Variants in HMGCLL1 observed in about 807,000 individuals in gnomAD.
The protein encoded by HMGCLL1 is 3-hydroxymethyl-3-methylglutaryl-CoA lyase, cytoplasmic.
In HMGCLL1, 36 loss-of-function variants were observed where a neutral mutation model predicts 39.1. That is an observed-to-expected ratio of 0.92 (90% CI 0.71 to 1.22). The LOEUF is 1.22. HMGCLL1 is among the 50% of genes most tolerant of loss of function. The probability of loss-of-function intolerance (pLI) is 0.00; values close to 1 mark genes in which losing one functional copy is unlikely to be tolerated. For missense variants in HMGCLL1, 451 were observed against 416.5 expected, an observed-to-expected ratio of 1.08 and a Z score of -0.72; for synonymous variants, 149 against 144.0, an observed-to-expected ratio of 1.03 and a Z score of -0.25.
At chr6:55,657,940 G>A in the HMGCLL1 span, among the ~76,000 whole-genome samples, 1 of 151,716 alleles carries the variant, frequency 6.6e-6, no homozygotes, top group African/African-American at 2.4e-5. Flanking sequence ...GGAGGATCAG[G>A]AAAAATAACT....
At chr6:55,565,798 G>A (rs1313361417) in intron 1 of HMGCLL1, among the ~76,000 whole-genome samples, 1 of 152,048 alleles carries the variant, frequency 6.6e-6, no homozygotes, top group Non-Finnish European at 1.5e-5. Flanking sequence ...GGGGCTAAGT[G>A]ATAGTAGACA....
At chr6:55,557,376 G>T (rs189138652) in intron 1 of HMGCLL1, among the ~76,000 whole-genome samples, 1 of 151,876 alleles carries the variant, frequency 6.6e-6, no homozygotes, top group African/African-American at 2.4e-5. Flanking sequence ...CTGGCAGCGC[G>T]TCTGTGCTCC....
chr6:55,562,313 T>G (rs1026464280), intron 1 of HMGCLL1, among the ~76,000 whole-genome samples: 2 of 152,192 alleles, frequency 1.3e-5, no homozygotes, highest in Non-Finnish European at 2.9e-5. Flanking sequence ...TTTAGTTGAT[T>G]GACTAAATTT....
chr6:55,602,671 A>T, the HMGCLL1 span, among the ~76,000 whole-genome samples: 3 of 151,948 alleles, frequency 2.0e-5, no homozygotes, highest in African/African-American at 7.2e-5. Flanking sequence ...AAGATGTAAA[A>T]AATGTCACAT....
chr6:55,633,730 G>A, the HMGCLL1 span, among the ~76,000 whole-genome samples: 8 of 152,096 alleles, frequency 5.3e-5, no homozygotes, highest in Middle Eastern at 3.4e-3. Flanking sequence ...AAATTTCACA[G>A]CAGGAATAAT....
intron 3 of HMGCLL1, among the ~76,000 whole-genome samples, chr6:55,525,225 G>C (rs1768257115): frequency 6.6e-6 from 1 of 151,504 alleles, no homozygotes; most frequent in South Asian, 2.1e-4. Context: ...GAATTCTAGA[G>C]GGCCTTAGAG....
intron 1 of HMGCLL1, among the ~76,000 whole-genome samples, chr6:55,544,047 C>T (rs1190606835): frequency 6.6e-6 from 1 of 152,042 alleles, no homozygotes; most frequent in Non-Finnish European, 1.5e-5. Context: ...GGTCACACAG[C>T]ACAGCTACCA....
the HMGCLL1 span, among the ~76,000 whole-genome samples, chr6:55,651,919 C>T: frequency 1.3e-5 from 2 of 152,060 alleles, no homozygotes; most frequent in Non-Finnish European, 2.9e-5. Flanking sequence ...ACTCTCCCTT[C>T]CCAAAGTGCA....
chr6:55,516,135 G>A (rs1767723590), intron 4 of HMGCLL1, among the ~76,000 whole-genome samples: 1 of 151,924 alleles, frequency 6.6e-6, no homozygotes, highest in Non-Finnish European at 1.5e-5. Context: ...ATCAACAAAG[G>A]TTGACAAAAA....
the HMGCLL1 span, among the ~76,000 whole-genome samples, chr6:55,672,084 T>TGTC: frequency 1.3e-5 from 2 of 151,758 alleles, no homozygotes; most frequent in East Asian, 3.9e-4. Flanking sequence ...AGATTTTCAG[T>TGTC]GTCTATCCTT....
At chr6:55,654,162 C>T in the HMGCLL1 span, among the ~76,000 whole-genome samples, 1 of 151,814 alleles carries the variant, frequency 6.6e-6, no homozygotes, top group East Asian at 1.9e-4. Flanking sequence ...TAAGAAAGTA[C>T]TGATAATTGT....
the HMGCLL1 span, among the ~76,000 whole-genome samples, chr6:55,639,031 A>G: frequency 6.5e-3 from 993 of 152,248 alleles, 17 homozygotes; most frequent in African/African-American, 0.022. Flanking sequence ...TTTAGTTACT[A>G]TGGTATCATT....
chr6:55,573,718 A>G (rs894703478), intron 1 of HMGCLL1, among the ~76,000 whole-genome samples: 11 of 152,098 alleles, frequency 7.2e-5, no homozygotes, highest in African/African-American at 2.7e-4. Flanking sequence ...AATATTCTTC[A>G]AATTGTAGGC....
At chr6:55,529,803 T>C (rs1768540699) in intron 3 of HMGCLL1, among the ~76,000 whole-genome samples, 1 of 152,160 alleles carries the variant, frequency 6.6e-6, no homozygotes, top group Non-Finnish European at 1.5e-5. Flanking sequence ...TGGTTATCGA[T>C]AGCAACTACT....
chr6:55,641,476 CTGTG>C, the HMGCLL1 span, among the ~76,000 whole-genome samples: 3 of 150,322 alleles, frequency 2.0e-5, no homozygotes, highest in South Asian at 2.1e-4. Flanking sequence ...GTGTGTGTGC[CTGTG>C]TGTGTGTGTG....
chr6:55,487,848 A>C (rs1766117309), intron 7 of HMGCLL1, among the ~76,000 whole-genome samples: 2 of 152,046 alleles, frequency 1.3e-5, no homozygotes, highest in Non-Finnish European at 2.9e-5. Flanking sequence ...AAATAAAGAC[A>C]AAAACAAGAA....
chr6:55,542,022 T>A lies in HMGCLL1; in HGVS notation c.189+38A>T, dbSNP rs767359888. The A allele has an allele frequency of 4.7e-6, 6 of 1,283,626 alleles. No homozygotes were observed. The Admixed American group carries it at 9.0e-5, about 19-fold the overall frequency. The allele number at this position is 1,283,626 out of a possible 1,614,324, so 79.5% of individuals were successfully genotyped here. A position where few individuals can be genotyped will look rare whatever the true frequency, so the allele number is the denominator to read the frequency against. On this transcript the variant is annotated intron_variant, in intron 2 of 8. Coordinates refer to ENST00000274901, the MANE Select transcript of HMGCLL1 (RefSeq NM_001042406.2). ...ATCTTTACAATCTTAAATTTATTAA[T>A]TTGTAGACAGCATTTGAAGTAAATG...
chr6:55,564,635 C>T (rs547950282), intron 1 of HMGCLL1, among the ~76,000 whole-genome samples: 4 of 152,178 alleles, frequency 2.6e-5, no homozygotes, highest in African/African-American at 7.2e-5. Flanking sequence ...TTTTACATTA[C>T]ACAATATTTG....
At chr6:55,666,481 G>GA in the HMGCLL1 span, among the ~76,000 whole-genome samples, 18 of 150,536 alleles carry the variant, frequency 1.2e-4, no homozygotes, top group Non-Finnish European at 2.5e-4. Flanking sequence ...CCATGTCAAA[G>GA]AAAAAAAAAT....
Sources: gnomAD v4.1 joint callset for allele counts (sites outside exome capture counted in the v4.1 genomes callset) on GRCh38, gnomAD v4.1.1 for gene constraint, MANE v1.5 for transcripts, NCBI Gene and HGNC (gene_info 2026-07-23, HGNC 2026-07-21) for gene names.